The following EFCC1 variants were observed in gnomAD, a reference collection of about 807,000 sequenced individuals.
The protein encoded by EFCC1 is EF-hand and coiled-coil domain containing 1.
In EFCC1, 50 loss-of-function variants were observed where a neutral mutation model predicts 52.1. That is an observed-to-expected ratio of 0.96 (90% CI 0.76 to 1.21). The LOEUF (loss-of-function observed/expected upper bound fraction) is 1.21. Ranked by LOEUF, EFCC1 falls within the 50% of genes most tolerant of loss-of-function variation. The probability of loss-of-function intolerance (pLI) is 0.00; values close to 1 mark genes in which losing one functional copy is unlikely to be tolerated. For missense variants in EFCC1, 837 were observed against 867.3 expected (o/e 0.97, Z 0.44); for synonymous variants, 399 against 396.5 (o/e 1.01, Z -0.08).
intron 2 of EFCC1, among the ~76,000 whole-genome samples, chr3:129,027,345 CT>C: frequency 6.6e-6 from 1 of 152,272 alleles, no homozygotes. Flanking sequence ...CCCGTTTGGG[CT>C]GTGCGCGCTG....
At position 129,001,610 on chromosome 3, in the gene EFCC1, C is replaced by A; in HGVS notation, c.-19C>A. 1 of 1,355,012 alleles carries A rather than the reference C, an allele frequency of 7.4e-7. No homozygotes were observed. Among genetic ancestry groups the A allele is most frequent in the Non-Finnish European group, 9.4e-7 (1 of 1,060,302 alleles). The allele number at this position is 1,355,012 out of a possible 1,614,324, so 83.9% of individuals were successfully genotyped here. On this transcript the variant is annotated 5_prime_UTR_variant, in exon 1 of 8. Transcript: ENST00000683648. Reference sequence around the variant, plus strand: ...GGGACCGGAGGAGGGACCGGAGGAGCGAGGCGCGCGGCGCAGCGATGGAGC... The same window carrying A: ...GGGACCGGAGGAGGGACCGGAGGAGAGAGGCGCGCGGCGCAGCGATGGAGC...
At chr3:129,032,996 T>G in intron 4 of EFCC1, 30 bp downstream of exon 4, 1 of 1,497,910 alleles carries the variant, frequency 6.7e-7, no homozygotes, top group East Asian at 2.5e-5. Flanking sequence ...TCAGCCACTG[T>G]GGGCCGCAGG....
intron 1 of EFCC1, chr3:129,002,669 A>C (rs540739610): frequency 1.1e-4 from 33 of 313,942 alleles, no homozygotes; most frequent in Middle Eastern, 8.6e-4. Flanking sequence ...CCTTTCAACA[A>C]GCATCTTTCT....
intron 7 of EFCC1, 110 bp from the exon 8 acceptor site, chr3:129,039,602 G>A (rs904796004): frequency 2.0e-6 from 3 of 1,478,304 alleles, no homozygotes; most frequent in East Asian, 2.4e-5. Context: ...CAGGGCTGGG[G>A]AGGGGCACAG....
rs1428292254 is a variant in EFCC1, at chr3:129,002,152, G to C, written c.524G>C (p.Arg175Pro). ...ALSEHIETQIRLRRPRRRRRP... is the reference protein window; with the variant it reads ...ALSEHIETQIPLRRPRRRRRP... The stretch of plus-strand genomic sequence containing the variant: ...AGCGAGCACATCGAGACGCAGATCC[G>C]CCTGCGCCGTCCGCGCCGCCGCCGC... Residue 175 changes from arginine to proline, a missense_variant, in exon 1 of 8, where the codon CGC becomes CCC. Physicochemically the swap from Arg to Pro is moderately radical, Grantham distance 103. Transcript: ENST00000683648. 1 of 1,470,896 alleles carries C rather than the reference G, an allele frequency of 6.8e-7. No individual in the cohort carries two copies. Among genetic ancestry groups the C allele is most frequent in the Non-Finnish European group, 8.9e-7 (1 of 1,121,486 alleles). The allele number at this position is 1,470,896 out of a possible 1,614,324, so 91.1% of individuals were successfully genotyped here. A position where few individuals can be genotyped will look rare whatever the true frequency, so the allele number is the denominator to read the frequency against.
At chr3:129,005,728 C>T (rs540473372) in intron 2 of EFCC1, among the ~76,000 whole-genome samples, 1 of 152,314 alleles carries the variant, frequency 6.6e-6, no homozygotes, top group East Asian at 1.9e-4. Flanking sequence ...CTGAGAAGCT[C>T]ACAGCTGGGA....
intron 2 of EFCC1, among the ~76,000 whole-genome samples, chr3:129,012,871 G>A (rs761966513): frequency 3.3e-5 from 5 of 152,218 alleles, no homozygotes; most frequent in African/African-American, 4.8e-5. Context: ...GTGGAAGAGC[G>A]GGCATTGGGC....
At chr3:129,022,021 G>A (rs1340120114) in intron 2 of EFCC1, among the ~76,000 whole-genome samples, 1 of 152,198 alleles carries the variant, frequency 6.6e-6, no homozygotes, top group Non-Finnish European at 1.5e-5. Flanking sequence ...GAGGTGGCCG[G>A]GGCAGGCGCA....
chr3:129,004,922 C>A (rs1407939964), intron 2 of EFCC1, among the ~76,000 whole-genome samples: 1 of 152,164 alleles, frequency 6.6e-6, no homozygotes, highest in Non-Finnish European at 1.5e-5. Flanking sequence ...CCCTCACAGA[C>A]CCTGCTTCCT....
intron 1 of EFCC1, 76 bp from the exon 2 acceptor site, chr3:129,003,718 G>A (rs912970717): frequency 3.2e-6 from 4 of 1,249,808 alleles, no homozygotes; most frequent in South Asian, 2.0e-5. Flanking sequence ...GCATGGGGCC[G>A]CCGTCGTGGC....
At chr3:129,016,692 C>G (rs1024502769) in intron 2 of EFCC1, among the ~76,000 whole-genome samples, 5 of 152,106 alleles carry the variant, frequency 3.3e-5, no homozygotes, top group South Asian at 2.1e-4. Flanking sequence ...CACACTGGCC[C>G]CACTTCTCTG....
rs1428401251 is a variant in EFCC1, at chr3:129,014,001, A to G, written c.980+9924A>G. On this transcript the variant is annotated intron_variant, in intron 2 of 7. Transcript: ENST00000683648. The surrounding 1 kb of genome is among the most constrained non-coding windows in gnomAD (Gnocchi z 4.3). Reference sequence around the variant, plus strand: ...GGCTTTTCCGGAGAGGACCGAGGTGACTGGAGAAGCCTGGAGCCACCCAAA... The same window carrying G: ...GGCTTTTCCGGAGAGGACCGAGGTGGCTGGAGAAGCCTGGAGCCACCCAAA... Among the ~76,000 whole-genome samples, 1 of 152,214 alleles carries G rather than the reference A, an allele frequency of 6.6e-6. No homozygotes were observed. Among genetic ancestry groups the G allele is most frequent in the Non-Finnish European group, 1.5e-5 (1 of 68,034 alleles).
chr3:129,005,353 C>A (rs900380), intron 2 of EFCC1, among the ~76,000 whole-genome samples: 1 of 152,062 alleles, frequency 6.6e-6, no homozygotes, highest in Non-Finnish European at 1.5e-5. Flanking sequence ...TGGAACAGTA[C>A]GGGCAAAGCC....
chr3:129,039,858 C>A lies in EFCC1; in HGVS notation c.*10C>A. 1 of 1,593,312 alleles carries A rather than the reference C, an allele frequency of 6.3e-7. No homozygotes were observed. The highest frequency in any genetic ancestry group is 8.6e-7 in the Non-Finnish European group (1 of 1,166,012). ...CCTCGTCTCCTGCTGAGGTTACTGG[C>A]CCACCCTGTGGGCACCCTGCTCAGC... On this transcript the variant is annotated 3_prime_UTR_variant, in exon 8 of 8. Coordinates refer to ENST00000683648, the MANE Select transcript of EFCC1 (RefSeq NM_001377500.1).
In EFCC1 at chr3:129,030,729, C is replaced by G. The variant is rs201241847; in HGVS notation, c.1007C>G (p.Pro336Arg). 6.4e-7 allele frequency: 1 copy of G among 1,551,586 alleles called. No homozygotes were observed. The highest frequency in any genetic ancestry group is 8.7e-7 in the Non-Finnish European group (1 of 1,146,926). Residue 336 changes from proline to arginine, a missense_variant, in exon 3 of 8, where the codon CCG becomes CGG. Physicochemically the swap from Pro to Arg is moderately radical, Grantham distance 103. Coordinates refer to ENST00000683648, the MANE Select transcript of EFCC1 (RefSeq NM_001377500.1). ...TCAGAGGATTCCCAGCTCCCAACCC[C>G]GCAGCTAGCCAACCCAGAGCCAGGA... is the stretch of plus-strand genomic sequence containing the variant. ...YRSEDSQLPT[P>R]QLANPEPGDK...
At position 129,001,873 on chromosome 3, in the gene EFCC1, T is replaced by G; in HGVS notation, c.245T>G (p.Leu82Arg). 6.5e-7 allele frequency: 1 copy of G among 1,545,732 alleles called. No homozygotes were observed. The highest frequency in any genetic ancestry group is 2.5e-5 in the East Asian group (1 of 40,638). The change falls in exon 1 of 8, where the codon CTC (leucine) becomes CGC (arginine). Residue 82 changes from leucine to arginine, a missense_variant. Leu to Arg is a moderately radical substitution (Grantham distance 102, BLOSUM62 -2). Coordinates refer to ENST00000683648, the MANE Select transcript of EFCC1 (RefSeq NM_001377500.1). ...GRLPRADFRA[L>R]CAVLGLRAEG... ...CTGCCCCGCGCCGACTTCCGAGCGC[T>G]CTGCGCTGTGCTGGGGCTGCGCGCG... is the stretch of plus-strand genomic sequence containing the variant.
At chr3:129,031,201 G>T (rs1341240731) in intron 3 of EFCC1, among the ~76,000 whole-genome samples, 1 of 152,198 alleles carries the variant, frequency 6.6e-6, no homozygotes, top group African/African-American at 2.4e-5. Flanking sequence ...AGGCTGAGGC[G>T]GGTAGACTGC....
At chr3:129,028,426 T>G (rs548754409) in intron 2 of EFCC1, among the ~76,000 whole-genome samples, 3 of 152,048 alleles carry the variant, frequency 2.0e-5, no homozygotes, top group Non-Finnish European at 4.4e-5. Flanking sequence ...ATGACTGGAG[T>G]ACAGTGCTCT....
At chr3:129,021,561 T>C (rs7649165) in intron 2 of EFCC1, among the ~76,000 whole-genome samples, 10,222 of 152,156 alleles carry the variant, frequency 0.067, 956 homozygotes, top group African/African-American at 0.21. Context: ...GCAACAAGAT[T>C]GAAACTCCGT....
Sources: allele counts gnomAD v4.1 joint callset (sites outside exome capture counted in the v4.1 genomes callset), GRCh38; gene constraint gnomAD v4.1.1; non-coding constraint Gnocchi (gnomAD v3.1); transcripts MANE v1.5; gene names NCBI Gene and HGNC (gene_info 2026-07-23, HGNC 2026-07-21).